AVEN: variants seen among roughly 807,000 people sequenced by gnomAD.
AVEN encodes the protein apoptosis and caspase activation inhibitor, also known as cell death regulator Aven.
A neutral mutation model predicts 38.1 loss-of-function variants in AVEN; 41 were observed. That is an observed-to-expected ratio of 1.08 (90% CI 0.84 to 1.40). The LOEUF (loss-of-function observed/expected upper bound fraction) is 1.40. Among genes scored for constraint, AVEN ranks in the 40% most tolerant of loss-of-function variants. The pLI is 0.00. For missense variants in AVEN, 605 were observed against 438.8 expected, an observed-to-expected ratio of 1.38 and a Z score of -3.38; for synonymous variants, 206 against 171.8, an observed-to-expected ratio of 1.20 and a Z score of -1.56.
rs6495505 is a variant in AVEN, at chr15:34,073,764, A to G, written n.720+672T>C. Among the ~76,000 whole-genome samples the G allele has an allele frequency of 9.2e-3, 1,362 of 147,528 alleles. 30 individuals carry two copies. The highest frequency in any genetic ancestry group is 0.03 in the South Asian group (141 of 4,640). ...TTGAACTCCTGACCTTGGGTGATCC[A>G]CCCGCCTCGGCCTCCCAAAGTGTTG... On this transcript the variant is annotated intron_variant and non_coding_transcript_variant, in intron 1 of 11. Coordinates refer to the AVEN transcript ENST00000675287.
intron 1 of AVEN, among the ~76,000 whole-genome samples, chr15:34,070,667 C>T (rs1325069582): frequency 6.6e-6 from 1 of 152,172 alleles, no homozygotes; most frequent in Non-Finnish European, 1.5e-5. Flanking sequence ...AAAGAAGACA[C>T]AGTCTAAGTC....
chr15:33,984,427 A>T (rs1316027459), intron 2 of AVEN, among the ~76,000 whole-genome samples: 4 of 150,914 alleles, frequency 2.7e-5, no homozygotes, highest in African/African-American at 9.7e-5. Context: ...TTTGAGACAG[A>T]GTTTCACTCT....
chr15:33,860,462 A>G (rs895003314), intron 11 of AVEN: 4 of 548,328 alleles, frequency 7.3e-6, no homozygotes, highest in African/African-American at 5.7e-5. Context: ...AAGAAACACG[A>G]GTATTATTTT....
chr15:33,871,631 TG>T (rs1029590079), intron 3 of AVEN, among the ~76,000 whole-genome samples: 2 of 152,052 alleles, frequency 1.3e-5, no homozygotes, highest in African/African-American at 4.8e-5. Context: ...ACTGACAAGC[TG>T]AAAGAAAAGC....
intron 2 of AVEN, among the ~76,000 whole-genome samples, chr15:33,975,862 G>A (rs145658337): frequency 0.015 from 2,210 of 152,216 alleles, 50 homozygotes; most frequent in African/African-American, 0.05. Context: ...CCCGGGCAGC[G>A]GAGGTTACAG....
chr15:33,865,406 A>C (rs1429796313), downstream of AVEN: 3 of 575,516 alleles, frequency 5.2e-6, no homozygotes, highest in Middle Eastern at 3.2e-4. Flanking sequence ...CCTAATGGAC[A>C]TACACTGTGG....
downstream of AVEN, chr15:33,854,696 G>GA: frequency 6.5e-7 from 1 of 1,532,074 alleles, no homozygotes; most frequent in Non-Finnish European, 8.8e-7. Context: ...CCCAAAATAA[G>GA]AAAAAATGTT....
At chr15:33,950,693 C>A (rs1364528877) in intron 2 of AVEN, among the ~76,000 whole-genome samples, 1 of 152,162 alleles carries the variant, frequency 6.6e-6, no homozygotes, top group Non-Finnish European at 1.5e-5. Flanking sequence ...TGCTTCAAAA[C>A]ATTCTTCAGA....
intron 5 of AVEN, among the ~76,000 whole-genome samples, chr15:34,047,536 T>C (rs548651743): frequency 1.3e-5 from 2 of 152,234 alleles, no homozygotes; most frequent in African/African-American, 4.8e-5. Flanking sequence ...ACCCACTGAC[T>C]TGGAATTCCA....
intron 4 of AVEN, among the ~76,000 whole-genome samples, chr15:33,869,078 AG>A (rs1342520094): frequency 1.3e-5 from 2 of 152,172 alleles, no homozygotes; most frequent in Admixed American, 6.5e-5. Context: ...CAGACATGTA[AG>A]ACGGTATGGC....
At position 33,866,725 on chromosome 15, in the gene AVEN, C is replaced by A. The variant is rs756529023; in HGVS notation, c.977G>T (p.Cys326Phe). The change falls in exon 6 of 6, where the codon TGT becomes TTT. Residue 326 changes from cysteine to phenylalanine, a missense_variant. Physicochemically the swap from Cys to Phe is radical, Grantham distance 205. Transcript: ENST00000306730. ...DGEVVQEEEV[C>F]AKPSVTEEKN... ...TTCTTCAGTCACAGATGGTTTTGCA[C>A]AAACTGGGGGAAAAAAAACAATGTT... The A allele has an allele frequency of 5.0e-6, 8 of 1,610,456 alleles. No homozygotes were observed. In the African/African-American group the frequency reaches 8.0e-5, roughly 16 times the overall value.
At chr15:33,949,272 C>T (rs1251162163) in intron 2 of AVEN, among the ~76,000 whole-genome samples, 8 of 151,090 alleles carry the variant, frequency 5.3e-5, no homozygotes, top group South Asian at 4.2e-4. Flanking sequence ...ATGATCCGCC[C>T]GCCTCAGCCT....
chr15:33,915,054 T>C (rs1457733854), intron 2 of AVEN, among the ~76,000 whole-genome samples: 2 of 151,986 alleles, frequency 1.3e-5, no homozygotes, highest in Non-Finnish European at 2.9e-5. Context: ...ATGTCACAAA[T>C]ATACAGCAGT....
chr15:33,857,250 GCACCAGCACC>G (rs1436295476), downstream of AVEN, among the ~76,000 whole-genome samples: 6 of 11,878 alleles, frequency 5.1e-4, no homozygotes, highest in Admixed American at 1.5e-3. Context: ...GGTGCTGGCA[GCACCAGCACC>G]TGGTCTCCTC....
chr15:33,898,679 A>G (rs952456253), intron 2 of AVEN, among the ~76,000 whole-genome samples: 18 of 152,222 alleles, frequency 1.2e-4, no homozygotes, highest in African/African-American at 4.3e-4. Flanking sequence ...TGCCAAGACC[A>G]TATTTACAAA....
chr15:34,023,760 T>C (rs116573821), intron 1 of AVEN, among the ~76,000 whole-genome samples: 2,171 of 152,312 alleles, frequency 0.014, 49 homozygotes, highest in African/African-American at 0.048. Context: ...CAGCTGCTTA[T>C]TGTGTGCTGC....
chr15:34,038,717 C>G lies in AVEN; in HGVS notation c.267+63G>C, dbSNP rs1483713776. The G allele has an allele frequency of 4.5e-6, 5 of 1,120,496 alleles. No homozygotes were observed. In the South Asian group the frequency reaches 1.8e-4, roughly 39 times the overall value. The allele number at this position is 1,120,496 out of a possible 1,614,324, so 69.4% of individuals were successfully genotyped here. A position where few individuals can be genotyped will look rare whatever the true frequency, so the allele number is the denominator to read the frequency against. ...ACGCTCTCTTGCGGCTCTTGACTGGCGGCCTCGGCCCCACTTGCCCCAGTT... is the reference window on the plus strand; with the variant it reads ...ACGCTCTCTTGCGGCTCTTGACTGGGGGCCTCGGCCCCACTTGCCCCAGTT... On this transcript the variant is annotated intron_variant, in intron 1 of 5. Coordinates refer to ENST00000306730, the MANE Select transcript of AVEN (RefSeq NM_020371.3).
intron 2 of AVEN, among the ~76,000 whole-genome samples, chr15:33,899,864 G>C (rs547494776): frequency 1.0e-3 from 159 of 151,804 alleles, no homozygotes; most frequent in African/African-American, 3.7e-3. Flanking sequence ...CTTCCTTCCA[G>C]AAGTATGTTC....
At chr15:33,854,899 A>G, downstream of AVEN, 1 of 1,610,648 alleles carries the variant, frequency 6.2e-7, no homozygotes, top group Non-Finnish European at 8.5e-7. Flanking sequence ...TCTGTAACTC[A>G]CAATGGCAAA....
Sources: allele counts gnomAD v4.1 joint callset (sites outside exome capture counted in the v4.1 genomes callset), GRCh38; gene constraint gnomAD v4.1.1; transcripts MANE v1.5; gene names NCBI Gene and HGNC (gene_info 2026-07-23, HGNC 2026-07-21).